CDH8: variants seen among roughly 807,000 people sequenced by gnomAD.
The protein encoded by CDH8 is cadherin-8.
A neutral mutation model predicts 68.1 loss-of-function variants in CDH8; 17 were observed. That is an observed-to-expected ratio of 0.25 (90% CI 0.17 to 0.37). The LOEUF (loss-of-function observed/expected upper bound fraction) is 0.37. Among genes scored for constraint, CDH8 ranks in the 10% least tolerant of loss-of-function variants. The pLI, the probability that CDH8 is intolerant of heterozygous loss-of-function variation, is 1.00. For missense variants in CDH8, 763 were observed against 999.3 expected, an observed-to-expected ratio of 0.76 and a Z score of 3.19; for synonymous variants, 372 against 365.1, an observed-to-expected ratio of 1.02 and a Z score of -0.21.
intron 10 of CDH8, among the ~76,000 whole-genome samples, chr16:61,670,682 T>C (rs1963773060): frequency 1.3e-5 from 2 of 152,066 alleles, no homozygotes. Flanking sequence ...TATACAGTAG[T>C]CTTCTCTAAT....
intron 4 of CDH8, among the ~76,000 whole-genome samples, chr16:61,829,847 TA>T (rs1415402550): frequency 6.6e-6 from 1 of 151,910 alleles, no homozygotes; most frequent in Non-Finnish European, 1.5e-5. Context: ...AGAAACTCAT[TA>T]AAACATCCAA....
At chr16:62,018,246 A>T (rs1351220891) in intron 2 of CDH8, among the ~76,000 whole-genome samples, 1 of 152,114 alleles carries the variant, frequency 6.6e-6, no homozygotes, top group Non-Finnish European at 1.5e-5. Flanking sequence ...CTAAAAACAG[A>T]TGATGGATGC....
chr16:62,012,474 T>C (rs1355399984), intron 2 of CDH8, among the ~76,000 whole-genome samples: 7 of 152,196 alleles, frequency 4.6e-5, no homozygotes, highest in African/African-American at 1.7e-4. Context: ...TACAAGTGTT[T>C]AGCAGAGGTG....
chr16:61,947,497 G>C (rs1964819702), intron 2 of CDH8, among the ~76,000 whole-genome samples: 1 of 152,164 alleles, frequency 6.6e-6, no homozygotes, highest in African/African-American at 2.4e-5. Flanking sequence ...CCTTCAAGGA[G>C]TTCTCATTCT....
intron 7 of CDH8, among the ~76,000 whole-genome samples, chr16:61,807,138 A>G (rs1257908390): frequency 6.6e-6 from 1 of 150,564 alleles, no homozygotes; most frequent in Non-Finnish European, 1.5e-5. Flanking sequence ...AATACTATGC[A>G]GCCATAAAAA....
At chr16:61,844,053 T>A (rs911573930) in intron 4 of CDH8, among the ~76,000 whole-genome samples, 5 of 151,858 alleles carry the variant, frequency 3.3e-5, no homozygotes, top group African/African-American at 1.2e-4. Context: ...TAGACTGGAT[T>A]AAGAAAATGT....
intron 2 of CDH8, among the ~76,000 whole-genome samples, chr16:61,950,143 C>A (rs1436914631): frequency 1.3e-5 from 2 of 152,142 alleles, no homozygotes; most frequent in African/African-American, 4.8e-5. Context: ...ATCGATAAAG[C>A]ACTTTCTGTC....
intron 3 of CDH8, among the ~76,000 whole-genome samples, chr16:61,891,155 A>G (rs1963769829): frequency 6.6e-6 from 1 of 152,016 alleles, no homozygotes; most frequent in African/African-American, 2.4e-5. Flanking sequence ...GGAATTATCA[A>G]CCTAAGATCC....
chr16:61,951,242 T>A (rs1964892356), intron 2 of CDH8, among the ~76,000 whole-genome samples: 1 of 152,188 alleles, frequency 6.6e-6, no homozygotes, highest in Admixed American at 6.5e-5. Context: ...CCGGGCATGG[T>A]GGCTCATGCC....
At chr16:61,779,364 C>T (rs892178874) in intron 8 of CDH8, among the ~76,000 whole-genome samples, 2 of 150,964 alleles carry the variant, frequency 1.3e-5, no homozygotes, top group Non-Finnish European at 2.9e-5. Flanking sequence ...ACAAACAAAC[C>T]AACAATGCCT....
chr16:61,705,684 G>C (rs1472914257), intron 10 of CDH8, among the ~76,000 whole-genome samples: 1 of 152,166 alleles, frequency 6.6e-6, no homozygotes, highest in Non-Finnish European at 1.5e-5. Context: ...TGGGAATGAT[G>C]GAATCCATGA....
chr16:61,845,999 T>C (rs1175259245), intron 4 of CDH8, among the ~76,000 whole-genome samples: 1 of 152,090 alleles, frequency 6.6e-6, no homozygotes, highest in Non-Finnish European at 1.5e-5. Context: ...AAACTCAAAA[T>C]TACTTTTAAA....
chr16:61,954,299 T>C (rs555229123), intron 2 of CDH8, among the ~76,000 whole-genome samples: 1 of 152,278 alleles, frequency 6.6e-6, no homozygotes, highest in Admixed American at 6.5e-5. Flanking sequence ...CCCTCTCACC[T>C]ATTGAGGGTT....
At chr16:61,924,291 A>T (rs1214549334) in intron 2 of CDH8, among the ~76,000 whole-genome samples, 1 of 152,174 alleles carries the variant, frequency 6.6e-6, no homozygotes, top group African/African-American at 2.4e-5. Flanking sequence ...GAATACTAAA[A>T]CACTTGATTA....
At chr16:61,672,898 T>A (rs1262870966) in intron 10 of CDH8, among the ~76,000 whole-genome samples, 1 of 152,088 alleles carries the variant, frequency 6.6e-6, no homozygotes, top group Non-Finnish European at 1.5e-5. Context: ...TGTAAATCCA[T>A]CATTCAATGC....
At chr16:61,824,701 T>C (rs1393484608) in intron 5 of CDH8, among the ~76,000 whole-genome samples, 3 of 151,896 alleles carry the variant, frequency 2.0e-5, no homozygotes, top group African/African-American at 7.2e-5. Flanking sequence ...TATCTGAGCT[T>C]CATTTGCATC....
At chr16:61,694,079 A>G (rs12103041) in intron 10 of CDH8, among the ~76,000 whole-genome samples, 94,921 of 152,054 alleles carry the variant, frequency 0.62, 31,248 homozygotes, top group African/African-American at 0.84. Context: ...TACACACAGA[A>G]TTAGAAAGTG....
intron 8 of CDH8, among the ~76,000 whole-genome samples, chr16:61,751,541 G>T (rs1305484776): frequency 6.6e-6 from 1 of 151,942 alleles, no homozygotes. Flanking sequence ...GTCTTGATGT[G>T]CTTAAAGTCT....
At chr16:61,923,731 A>G (rs1964411728) in intron 2 of CDH8, among the ~76,000 whole-genome samples, 2 of 148,340 alleles carry the variant, frequency 1.3e-5, no homozygotes, top group South Asian at 4.2e-4. Flanking sequence ...GAGGATATAT[A>G]TATATATACA....
Sources: gnomAD v4.1 joint callset for allele counts (sites outside exome capture counted in the v4.1 genomes callset) on GRCh38, gnomAD v4.1.1 for gene constraint, MANE v1.5 for transcripts, NCBI Gene and HGNC (gene_info 2026-07-23, HGNC 2026-07-21) for gene names.